Variants in GAK observed in about 807,000 individuals in gnomAD.
GAK encodes the protein cyclin G associated kinase.
Under a neutral mutation model 143.9 loss-of-function variants are expected in GAK, and 79 were observed. That is an observed-to-expected ratio of 0.55 (90% CI 0.46 to 0.66). GAK has a LOEUF of 0.66. Ranked by LOEUF, GAK falls within the 30% of genes least tolerant of loss-of-function variation. The pLI is 0.00. For missense variants in GAK, 1,693 were observed against 1,779.7 expected (o/e 0.95, Z 0.88); for synonymous variants, 881 against 765.5 (o/e 1.15, Z -2.49).
At chr4:853,586 CGTCCCCCGGCAA>C (rs1299275179) in intron 24 of GAK, 1 of 152,208 alleles carries the variant, frequency 6.6e-6, no homozygotes, top group African/African-American at 2.4e-5. Flanking sequence ...GCACGCGGCT[CGTCCCCCGGCAA>C]GTCCCCCCGG....
In GAK at chr4:867,170, C is replaced by T. The variant is rs1219340099; in HGVS notation, c.2658G>A (p.Leu886=). ...CTGGCCCTGCGCCCACCTCGGAGTG[C>T]AGGCCCAGGAGGTCGACCCCGTCTT... is the stretch of plus-strand genomic sequence containing the variant. ...PQEDGVDLLG[L]HSEVGAGPAV... is the part of the protein sequence containing the mutation. Residue 886 remains leucine, a synonymous_variant, in exon 21 of 28, where the codon CTG becomes CTA. Coordinates refer to ENST00000314167, the MANE Select transcript of GAK (RefSeq NM_005255.4). 3 of 1,605,658 alleles carry T rather than the reference C, an allele frequency of 1.9e-6. No homozygotes were observed. Among genetic ancestry groups the T allele is most frequent in the African/African-American group, 2.7e-5 (2 of 74,806 alleles).
chr4:868,837 G>A, intron 19 of GAK, 152 bp from the exon 20 acceptor site: 1 of 744,346 alleles, frequency 1.3e-6, no homozygotes, highest in Non-Finnish European at 2.1e-6. Flanking sequence ...ACGGGGAGGG[G>A]CTCTCTGAAC....
At chr4:868,787 G>A (rs1018693436) in intron 19 of GAK, 102 bp from the exon 20 acceptor site, 7 of 1,243,940 alleles carry the variant, frequency 5.6e-6, no homozygotes, top group South Asian at 4.3e-5. Flanking sequence ...CGCCAGCACC[G>A]TGGCAGGCCA....
intron 5 of GAK, among the ~76,000 whole-genome samples, chr4:902,333 C>T (rs756277989): frequency 1.3e-5 from 2 of 151,540 alleles, no homozygotes; most frequent in African/African-American, 2.4e-5. Context: ...AGCCTGGGAG[C>T]GGTGGCTCAC....
At position 912,724 on chromosome 4, in the gene GAK, GA is replaced by G; in HGVS notation, c.267+10del. 1 of 1,612,568 alleles carries G rather than the reference GA, an allele frequency of 6.2e-7. No homozygotes were observed. The highest frequency in any genetic ancestry group is 1.7e-4 in the Middle Eastern group (1 of 6,056). ...CCACCGTGCTGGCTCCTGGTTCCAG[GA>G]AAAGGATACCATGAAGCAAACTTCT... On this transcript the variant is annotated intron_variant, in intron 3 of 27. Transcript: ENST00000314167.
intron 24 of GAK, among the ~76,000 whole-genome samples, chr4:856,419 GCTGCTCACAC>G (rs1168966583): frequency 3.4e-5 from 4 of 116,890 alleles, no homozygotes; most frequent in African/African-American, 6.7e-5. Context: ...GCTCACCACA[GCTGCTCACAC>G]CTGCTCACCA....
At chr4:895,094 G>A (rs1445394950) in intron 7 of GAK, among the ~76,000 whole-genome samples, 1 of 152,234 alleles carries the variant, frequency 6.6e-6, no homozygotes, top group Non-Finnish European at 1.5e-5. Context: ...CACAGACCCT[G>A]CTGTGTGCTA....
intron 5 of GAK, among the ~76,000 whole-genome samples, chr4:900,167 G>A (rs763419728): frequency 2.0e-5 from 3 of 152,244 alleles, no homozygotes; most frequent in Non-Finnish European, 4.4e-5. Flanking sequence ...AGACGAAGCT[G>A]TGCGCACAGC....
intron 9 of GAK, among the ~76,000 whole-genome samples, chr4:892,347 C>T (rs565057303): frequency 6.6e-6 from 1 of 152,316 alleles, no homozygotes; most frequent in Non-Finnish European, 1.5e-5. Flanking sequence ...AGGGGCCCTG[C>T]GTGTCCTGAC....
intron 11 of GAK, chr4:887,292 TCA>T (rs1716618280): frequency 1.4e-5 from 2 of 146,950 alleles, no homozygotes; most frequent in Admixed American, 6.7e-5. Flanking sequence ...TGCACGCGGC[TCA>T]CGCGCACTCA....
rs1449198397 is a variant in GAK, at chr4:898,077, C to T, written c.607G>A (p.Asp203Asn). 6.2e-7 allele frequency: 1 copy of T among 1,614,124 alleles called. No individual in the cohort carries two copies. Among genetic ancestry groups the T allele is most frequent in the Admixed American group, 1.7e-5 (1 of 60,022 alleles). ...CGCCTCTGGGCGCTCCAGCTGTAGT[C>T]AGGGTAGTGCGAGATGGTCGTGGCA... Reference protein sequence around the residue: ...GSATTISHYPDYSWSAQRRAL... With the variant: ...GSATTISHYPNYSWSAQRRAL... The change falls in exon 6 of 28, where the codon GAC becomes AAC. Residue 203 changes from aspartate to asparagine, a missense_variant. Asp to Asn is a conservative substitution (Grantham distance 23, BLOSUM62 1). This residue lies in a region of GAK where 871 missense variants were observed against 991.0 expected (regional missense o/e 0.88). Coordinates refer to ENST00000314167, the MANE Select transcript of GAK (RefSeq NM_005255.4).
intron 23 of GAK, among the ~76,000 whole-genome samples, chr4:861,808 G>C: frequency 6.6e-6 from 1 of 152,276 alleles, no homozygotes; most frequent in East Asian, 1.9e-4. Context: ...GAGGAAGTTC[G>C]GGTGATCTGG....
chr4:904,154 G>A (rs372192321), intron 5 of GAK, among the ~76,000 whole-genome samples: 17 of 152,056 alleles, frequency 1.1e-4, no homozygotes, highest in East Asian at 5.8e-4. Context: ...GATGATGGGC[G>A]GCTCCTAACC....
intron 3 of GAK, 114 bp downstream of exon 3, chr4:912,621 C>T: frequency 1.3e-6 from 1 of 765,044 alleles, no homozygotes. Context: ...CCGATTTTAA[C>T]ACATGAAAGA....
At chr4:911,933 G>T in intron 3 of GAK, 146 bp from the exon 4 acceptor site, 1 of 624,264 alleles carries the variant, frequency 1.6e-6, no homozygotes, top group Non-Finnish European at 2.9e-6. Context: ...CGGAAGATGA[G>T]GGAGAGAGCA....
chr4:859,822 C>T, intron 23 of GAK, 100 bp from the exon 24 acceptor site: 1 of 843,490 alleles, frequency 1.2e-6, no homozygotes, highest in Non-Finnish European at 1.9e-6. Context: ...GACAGCCTCA[C>T]TCCTGCCTGA....
intron 1 of GAK, among the ~76,000 whole-genome samples, chr4:917,264 A>C (rs567420907): frequency 8.5e-5 from 13 of 152,250 alleles, no homozygotes; most frequent in African/African-American, 2.4e-4. Flanking sequence ...ACACACACAT[A>C]CAGTTAGTGT....
At chr4:905,478 G>C (rs753120548) in intron 4 of GAK, among the ~76,000 whole-genome samples, 1 of 141,944 alleles carries the variant, frequency 7.0e-6, no homozygotes, top group East Asian at 2.0e-4. Context: ...CCCATGCCAT[G>C]CTACGGACTC....
At chr4:930,429 C>A (rs981057140) in intron 1 of GAK, among the ~76,000 whole-genome samples, 1 of 151,640 alleles carries the variant, frequency 6.6e-6, no homozygotes, top group Non-Finnish European at 1.5e-5. Flanking sequence ...CCACAAGCTT[C>A]TTTCTTTATA....
Sources: gnomAD v4.1 joint callset for allele counts (sites outside exome capture counted in the v4.1 genomes callset) on GRCh38, gnomAD v4.1.1 for gene constraint, gnomAD v4.1.1 regional missense constraint, MANE v1.5 for transcripts, NCBI Gene and HGNC (gene_info 2026-07-23, HGNC 2026-07-21) for gene names.